The following NEK1 variants were observed in gnomAD, a reference collection of about 807,000 sequenced individuals.
NEK1 encodes the protein serine/threonine-protein kinase Nek1.
In NEK1, 137 loss-of-function variants were observed where a neutral mutation model predicts 182.1. The observed-to-expected ratio is 0.75, with a 90% CI of 0.65 to 0.87. The LOEUF is 0.87. Ranked by LOEUF, NEK1 falls within the 40% of genes least tolerant of loss-of-function variation. The pLI is 0.00. For synonymous variants in NEK1, 513 were observed against 492.2 expected (o/e 1.04, Z -0.56); for missense variants, 1,391 against 1,494.4 (o/e 0.93, Z 1.14).
At chr4:169,542,280 G>A (rs1406434886) in intron 18 of NEK1, among the ~76,000 whole-genome samples, 1 of 152,138 alleles carries the variant, frequency 6.6e-6, no homozygotes. Context: ...GTCTGTTCTT[G>A]TGTTAGTTTG....
intron 28 of NEK1, among the ~76,000 whole-genome samples, chr4:169,434,865 T>C (rs1738111264): frequency 6.6e-6 from 1 of 152,246 alleles, no homozygotes; most frequent in Non-Finnish European, 1.5e-5. Context: ...TATTTTTTAA[T>C]GAATAATTCT....
intron 26 of NEK1, among the ~76,000 whole-genome samples, chr4:169,470,057 C>G (rs746478559): frequency 6.6e-6 from 1 of 151,420 alleles, no homozygotes; most frequent in Non-Finnish European, 1.5e-5. Context: ...ATACAGCACA[C>G]TGATGAGTCT....
At chr4:169,493,764 C>A (rs1750572213) in intron 23 of NEK1, among the ~76,000 whole-genome samples, 1 of 152,154 alleles carries the variant, frequency 6.6e-6, no homozygotes. Flanking sequence ...AAAAAGCAAA[C>A]AAGGCCTTCA....
At chr4:169,527,095 G>C (rs1561351184) in intron 19 of NEK1, among the ~76,000 whole-genome samples, 2 of 152,134 alleles carry the variant, frequency 1.3e-5, no homozygotes, top group African/African-American at 2.4e-5. Context: ...AACTACAAGA[G>C]AAAAAGCATT....
At chr4:169,458,999 C>A (rs185890633) in intron 27 of NEK1, among the ~76,000 whole-genome samples, 1 of 151,510 alleles carries the variant, frequency 6.6e-6, no homozygotes, top group Non-Finnish European at 1.5e-5. Flanking sequence ...TTTGGATTTA[C>A]GGATTAGAGA....
intron 35 of NEK1, among the ~76,000 whole-genome samples, chr4:169,397,552 T>A (rs2110963143): frequency 6.6e-6 from 1 of 152,306 alleles, no homozygotes; most frequent in South Asian, 2.1e-4. Context: ...ATTGCCAGGG[T>A]AGGCATCTTC....
intron 26 of NEK1, among the ~76,000 whole-genome samples, chr4:169,465,076 TA>T (rs1430160940): frequency 6.6e-6 from 1 of 152,112 alleles, no homozygotes; most frequent in African/African-American, 2.4e-5. Context: ...TTGATACAGT[TA>T]ATGTACCAGT....
At chr4:169,430,305 C>T (rs1268947730) in intron 29 of NEK1, among the ~76,000 whole-genome samples, 1 of 152,114 alleles carries the variant, frequency 6.6e-6, no homozygotes, top group African/African-American at 2.4e-5. Flanking sequence ...CTCAGCCACA[C>T]AGGTAGCTGG....
At chr4:169,552,975 T>A (rs1210690988) in intron 18 of NEK1, among the ~76,000 whole-genome samples, 1 of 152,174 alleles carries the variant, frequency 6.6e-6, no homozygotes, top group Non-Finnish European at 1.5e-5. Flanking sequence ...AGATTGAATA[T>A]CGTCAAGATG....
At chr4:169,405,557 G>GAGTGA (rs1732445462) in intron 32 of NEK1, among the ~76,000 whole-genome samples, 1 of 152,182 alleles carries the variant, frequency 6.6e-6, no homozygotes, top group African/African-American at 2.4e-5. Context: ...CTATTTGGGA[G>GAGTGA]AGTGAAGTGG....
chr4:169,561,319 G>T (rs1762867144), intron 16 of NEK1, among the ~76,000 whole-genome samples, 161 bp downstream of exon 16: 1 of 152,140 alleles, frequency 6.6e-6, no homozygotes, highest in African/African-American at 2.4e-5. Context: ...TCAGATACAT[G>T]CAGGAAAGCT....
chr4:169,561,939 T>C (rs1762975973), intron 13 of NEK1, 48 bp from the exon 14 acceptor site: 1 of 1,505,728 alleles, frequency 6.6e-7, no homozygotes, highest in African/African-American at 1.4e-5. Flanking sequence ...TCCTGTTTTT[T>C]CTAGTTTCAT....
chr4:169,428,351 G>GAGATATAT (rs71590009), intron 29 of NEK1, among the ~76,000 whole-genome samples: 2 of 93,224 alleles, frequency 2.1e-5, no homozygotes, highest in African/African-American at 6.6e-5. Flanking sequence ...AAATATATGG[G>GAGATATAT]ATATATATAT....
chr4:169,429,625 C>G (rs1737049700), intron 29 of NEK1, among the ~76,000 whole-genome samples: 1 of 151,932 alleles, frequency 6.6e-6, no homozygotes. Flanking sequence ...TTTACTCACT[C>G]TTCTTTGAGG....
chr4:169,488,065 G>A (rs1200418405), intron 23 of NEK1, among the ~76,000 whole-genome samples: 2 of 151,790 alleles, frequency 1.3e-5, no homozygotes, highest in African/African-American at 4.8e-5. Flanking sequence ...TGTAGACTCT[G>A]GATATTAGCT....
chr4:169,427,779 A>G (rs1032558355), intron 29 of NEK1, among the ~76,000 whole-genome samples: 3 of 152,048 alleles, frequency 2.0e-5, no homozygotes, highest in African/African-American at 7.2e-5. Flanking sequence ...TACAGGCATA[A>G]GCCACCATGT....
At chr4:169,561,015 T>C (rs867538615) in intron 16 of NEK1, among the ~76,000 whole-genome samples, 1 of 152,132 alleles carries the variant, frequency 6.6e-6, no homozygotes, top group Non-Finnish European at 1.5e-5. Context: ...AAACCACATA[T>C]AGTAATGAAA....
At chr4:169,407,069 C>G (rs1312175832) in intron 31 of NEK1, among the ~76,000 whole-genome samples, 1 of 152,048 alleles carries the variant, frequency 6.6e-6, no homozygotes, top group Non-Finnish European at 1.5e-5. Context: ...CCTTTGAAAA[C>G]TGGGAGAAGT....
At chr4:169,587,112 T>A (rs1397394629) in intron 9 of NEK1, among the ~76,000 whole-genome samples, 2 of 151,876 alleles carry the variant, frequency 1.3e-5, no homozygotes, top group African/African-American at 4.8e-5. Context: ...AAGTAAAAAT[T>A]TTAAATACTC....
Sources: allele counts gnomAD v4.1 joint callset (sites outside exome capture counted in the v4.1 genomes callset), GRCh38; gene constraint gnomAD v4.1.1; transcripts MANE v1.5; gene names NCBI Gene and HGNC (gene_info 2026-07-23, HGNC 2026-07-21).